Variants in MS4A2 observed in about 807,000 individuals in gnomAD.
MS4A2 encodes high affinity immunoglobulin epsilon receptor subunit beta.
A neutral mutation model predicts 27.9 loss-of-function variants in MS4A2; 26 were observed. The observed-to-expected ratio is 0.93, with a 90% CI of 0.68 to 1.29. The LOEUF (loss-of-function observed/expected upper bound fraction) is 1.29, where lower values mean the gene tolerates loss of function less well. Ranked by LOEUF, MS4A2 falls within the 50% of genes most tolerant of loss-of-function variation. The probability of loss-of-function intolerance (pLI) is 0.00; values close to 1 mark genes in which losing one functional copy is unlikely to be tolerated. For synonymous variants in MS4A2, 110 were observed against 98.8 expected, an observed-to-expected ratio of 1.11 and a Z score of -0.67; for missense variants, 284 against 284.6, an observed-to-expected ratio of 1.00 and a Z score of 0.01.
At chr11:60,088,660 A>G (rs1190816580), upstream of MS4A2, 16 of 1,547,034 alleles carry the variant, frequency 1.0e-5, no homozygotes, top group Non-Finnish European at 1.4e-5. Context: ...CAATGTCATG[A>G]GGTAACCCAT....
At chr11:60,091,182 G>T (rs1331224537) in intron 3 of MS4A2, among the ~76,000 whole-genome samples, 1 of 151,952 alleles carries the variant, frequency 6.6e-6, no homozygotes, top group Non-Finnish European at 1.5e-5. Context: ...AGAAAATAAA[G>T]TTGTCTTCAT....
intron 6 of MS4A2, among the ~76,000 whole-genome samples, chr11:60,094,815 T>G (rs1169089391): frequency 6.6e-6 from 1 of 152,006 alleles, no homozygotes; most frequent in Non-Finnish European, 1.5e-5. Context: ...AAATCTCTAC[T>G]AAAAAATACA....
Position 60,096,577 on chromosome 11 carries a change from G to C in MS4A2, c.*921G>C, listed in dbSNP as rs1203473559. On this transcript the variant is annotated 3_prime_UTR_variant, in exon 7 of 7. Transcript: ENST00000278888. Reference sequence around the variant, plus strand: ...AGTCTAAGATGAAAGGAGAACACTGGTTATGTTGATAGAATGATAAAAAGG... The same window carrying C: ...AGTCTAAGATGAAAGGAGAACACTGCTTATGTTGATAGAATGATAAAAAGG... The C allele has an allele frequency of 1.3e-5, 2 of 152,082 alleles. No individual in the cohort carries two copies. Among genetic ancestry groups the C allele is most frequent in the Non-Finnish European group, 2.9e-5 (2 of 68,006 alleles). The allele number at this position is 152,082 out of a possible 1,614,324, so 9.4% of individuals were successfully genotyped here. A position where few individuals can be genotyped will look rare whatever the true frequency, so the allele number is the denominator to read the frequency against.
Position 60,096,010 on chromosome 11 carries a change from A to T in MS4A2, c.*354A>T. Reference sequence around the variant, plus strand: ...AGTTAAACTTTGACAGTTTGATAATATTTGGTTCTTAGGGTTTTTTTTTTT... The same window carrying T: ...AGTTAAACTTTGACAGTTTGATAATTTTTGGTTCTTAGGGTTTTTTTTTTT... On this transcript the variant is annotated 3_prime_UTR_variant, in exon 7 of 7. Coordinates refer to ENST00000278888, the MANE Select transcript of MS4A2 (RefSeq NM_000139.5). The T allele has an allele frequency of 1.2e-5, 3 of 258,272 alleles. No individual in the cohort carries two copies. The highest frequency in any genetic ancestry group is 9.2e-5 in the South Asian group (2 of 21,698). The allele number at this position is 258,272 out of a possible 1,614,324, so 16.0% of individuals were successfully genotyped here. A position where few individuals can be genotyped will look rare whatever the true frequency, so the allele number is the denominator to read the frequency against.
At chr11:60,093,865 A>G (rs1298341547) in intron 5 of MS4A2, 99 bp from the exon 6 acceptor site, 3 of 857,696 alleles carry the variant, frequency 3.5e-6, no homozygotes, top group East Asian at 5.3e-5. Flanking sequence ...GACTGGTCAG[A>G]TGGTAGGGAG....
In MS4A2 at chr11:60,093,454, A is replaced by G; in HGVS notation, c.433A>G (p.Ile145Val). The G allele has an allele frequency of 6.2e-7, 1 of 1,614,206 alleles. No homozygotes were observed. The highest frequency in any genetic ancestry group is 1.3e-5 in the African/African-American group (1 of 75,042). Residue 145 changes from isoleucine to valine, a missense_variant, in exon 5 of 7, where the codon ATT (isoleucine) becomes GTT (valine). Ile to Val is a conservative substitution (Grantham distance 29). Transcript: ENST00000278888. The part of the protein sequence containing the change: ...TASSIAGGTG[I>V]TILIINLKKS... ...CAGCAGCATAGCTGGGGGAACGGGA[A>G]TTACCATCCTGATCATCAACCTGAA... is the stretch of plus-strand genomic sequence containing the variant.
At position 60,093,748 on chromosome 11, in the gene MS4A2, G is replaced by A. The variant is rs777719530; in HGVS notation, c.537+190G>A. 7.8e-6 allele frequency: 7 copies of A among 893,496 alleles called. No individual in the cohort carries two copies. The Middle Eastern group carries it at 1.5e-3, about 198-fold the overall frequency. 55.3% of individuals were successfully genotyped at this position (893,496 alleles called of 1,614,324 possible). On this transcript the variant is annotated intron_variant, in intron 5 of 6. Transcript: ENST00000278888. ...CCCCTCAACCCAGGCAAATTCCTCGGGGTTAAAGTTATCTACTGCAAGTGA... is the reference window on the plus strand; with the variant it reads ...CCCCTCAACCCAGGCAAATTCCTCGAGGTTAAAGTTATCTACTGCAAGTGA...
In MS4A2 at chr11:60,093,451, G is replaced by C. The variant is rs371879070; in HGVS notation, c.430G>C (p.Gly144Arg). ...NTASSIAGGTGITILIINLKK... is the reference protein window; with the variant it reads ...NTASSIAGGTRITILIINLKK... ...TGCCAGCAGCATAGCTGGGGGAACG[G>C]GAATTACCATCCTGATCATCAACCT... The change falls in exon 5 of 7, where the codon GGA (glycine) becomes CGA (arginine). Residue 144 changes from glycine (G) to arginine (R), a missense_variant. By Grantham distance (125) the Gly-to-Arg change is moderately radical (BLOSUM62 -2). Transcript: ENST00000278888. The C allele has an allele frequency of 2.5e-6, 4 of 1,614,020 alleles. No individual in the cohort carries two copies. The African/African-American group carries it at 5.3e-5, about 22-fold the overall frequency.
chr11:60,091,038 C>G (rs112516372), intron 3 of MS4A2, among the ~76,000 whole-genome samples: 2 of 152,190 alleles, frequency 1.3e-5, no homozygotes, highest in African/African-American at 4.8e-5. Context: ...GTAATCCCAG[C>G]TACTTAAGAG....
chr11:60,093,820 GT>G (rs1219580496), intron 5 of MS4A2, 143 bp from the exon 6 acceptor site: 5 of 726,276 alleles, frequency 6.9e-6, no homozygotes, highest in Non-Finnish European at 4.9e-6. Context: ...GTGTGTGTGT[GT>G]GTGTGTGTGT....
In MS4A2 at chr11:60,093,561, A is replaced by G; in HGVS notation, c.537+3A>G. On this transcript the variant is annotated splice_donor_region_variant and intron_variant, in intron 5 of 6. Coordinates refer to ENST00000278888, the MANE Select transcript of MS4A2 (RefSeq NM_000139.5). ...GCTTTATGGCTTCCTTTTCCACTGTATGTATTTTTTTTTGTGTGGGAAGAC... is the reference window on the plus strand; with the variant it reads ...GCTTTATGGCTTCCTTTTCCACTGTGTGTATTTTTTTTTGTGTGGGAAGAC... The G allele has an allele frequency of 1.2e-6, 2 of 1,614,086 alleles. No individual in the cohort carries two copies. The highest frequency in any genetic ancestry group is 1.3e-5 in the African/African-American group (1 of 75,028).
Position 60,090,354 on chromosome 11 carries a change from G to A in MS4A2, c.205G>A (p.Ala69Thr). Residue 69 changes from alanine (A) to threonine (T), a missense_variant, in exon 3 of 7, where the codon GCT (alanine) becomes ACT (threonine). Physicochemically the swap from Ala to Thr is moderately conservative, Grantham distance 58. Transcript: ENST00000278888. ...TCTATAGGTAACACAAATTCTGACT[G>A]CTATGATATGCCTTTGTTTTGGAAC... is the stretch of plus-strand genomic sequence containing the variant. ...EFLGVTQILT[A>T]MICLCFGTVV... is the part of the protein sequence containing the mutation. The A allele has an allele frequency of 6.2e-7, 1 of 1,612,990 alleles. No homozygotes were observed. The highest frequency in any genetic ancestry group is 8.5e-7 in the Non-Finnish European group (1 of 1,179,858).
chr11:60,095,667 T>G lies in MS4A2; in HGVS notation c.*11T>G. On this transcript the variant is annotated 3_prime_UTR_variant, in exon 7 of 7. Transcript: ENST00000278888. ...CCCATTGATTTATAAGAATCACGTG[T>G]CCAGAACACTCTGATTCACAGCCAA... The G allele has an allele frequency of 6.4e-7, 1 of 1,554,796 alleles. No individual in the cohort carries two copies. Among genetic ancestry groups the G allele is most frequent in the Non-Finnish European group, 8.9e-7 (1 of 1,126,308 alleles).
chr11:60,094,697 T>C (rs912697249), intron 6 of MS4A2, among the ~76,000 whole-genome samples: 2 of 152,120 alleles, frequency 1.3e-5, no homozygotes, highest in African/African-American at 4.8e-5. Flanking sequence ...GCCTGTAATC[T>C]CAGCACTTTG....
rs1286079068 is a variant in MS4A2 at position 60,096,725 on chromosome 11, T to C, written c.*1069T>C. ...AGTGAAACCCCGTCTCTACTAAAAA[T>C]ACAAAAAAAAAATTAGCTGGGTGTG... is the stretch of plus-strand genomic sequence containing the variant. On this transcript the variant is annotated 3_prime_UTR_variant, in exon 7 of 7. Coordinates refer to ENST00000278888, the MANE Select transcript of MS4A2 (RefSeq NM_000139.5). 1 of 150,034 alleles carries C rather than the reference T, an allele frequency of 6.7e-6. No individual in the cohort carries two copies. The highest frequency in any genetic ancestry group is 6.6e-5 in the Admixed American group (1 of 15,100). The allele number at this position is 150,034 out of a possible 1,614,324, so 9.3% of individuals were successfully genotyped here.
chr11:60,095,032 C>A (rs11603821), intron 6 of MS4A2, among the ~76,000 whole-genome samples: 5 of 151,648 alleles, frequency 3.3e-5, no homozygotes, highest in Non-Finnish European at 7.4e-5. Context: ...GAGGCCAAAG[C>A]TGAAGAATAA....
At chr11:60,089,890 A>G in intron 2 of MS4A2, 69 bp downstream of exon 2, 1 of 1,594,728 alleles carries the variant, frequency 6.3e-7, no homozygotes, top group Non-Finnish European at 8.5e-7. Flanking sequence ...GAGTTGCATC[A>G]ACTGTTTTCC....
In MS4A2 at chr11:60,095,644, C is replaced by T. The variant is rs535377676; in HGVS notation, c.723C>T (p.Pro241=). The T allele has an allele frequency of 1.6e-5, 26 of 1,602,934 alleles. No individual in the cohort carries two copies. The South Asian group carries it at 2.4e-4, about 15-fold the overall frequency. ...ELEDPGEMSP[P]IDL ...AAGACCCAGGGGAAATGTCTCCTCC[C>T]ATTGATTTATAAGAATCACGTGTCC... Residue 241 remains proline, a synonymous_variant, in exon 7 of 7, where the codon CCC becomes CCT. Coordinates refer to ENST00000278888, the MANE Select transcript of MS4A2 (RefSeq NM_000139.5).
At chr11:60,091,087 G>T (rs1855750923) in intron 3 of MS4A2, among the ~76,000 whole-genome samples, 1 of 152,132 alleles carries the variant, frequency 6.6e-6, no homozygotes, top group Non-Finnish European at 1.5e-5. Flanking sequence ...GAAGGCAGAG[G>T]TTGCAGTGAG....
Sources: gnomAD v4.1 joint callset for allele counts (sites outside exome capture counted in the v4.1 genomes callset) on GRCh38, gnomAD v4.1.1 for gene constraint, MANE v1.5 for transcripts, NCBI Gene and HGNC (gene_info 2026-07-23, HGNC 2026-07-21) for gene names.